The following CYP46A1 variants were observed in gnomAD, a reference collection of about 807,000 sequenced individuals.
The protein encoded by CYP46A1 is cytochrome P450 family 46 subfamily A member 1.
A neutral mutation model predicts 63.3 loss-of-function variants in CYP46A1; 20 were observed. That is an observed-to-expected ratio of 0.32 (90% CI 0.22 to 0.46). The LOEUF (loss-of-function observed/expected upper bound fraction) is 0.46, where lower values mean the gene tolerates loss of function less well. Among genes scored for constraint, CYP46A1 ranks in the 20% least tolerant of loss-of-function variants. The pLI, the probability that CYP46A1 is intolerant of heterozygous loss-of-function variation, is 1.00. For missense variants in CYP46A1, 445 were observed against 670.8 expected, an observed-to-expected ratio of 0.66 and a Z score of 3.72; for synonymous variants, 268 against 273.6, an observed-to-expected ratio of 0.98 and a Z score of 0.20.
rs1376088709 is a variant in CYP46A1 at position 99,717,010 on chromosome 14, G to A, written c.907+811G>A. 2.0e-5 allele frequency among the ~76,000 whole-genome samples: 3 copies of A among 152,342 alleles called. No individual in the cohort carries two copies. The East Asian group carries it at 5.8e-4, about 29-fold the overall frequency. Reference sequence around the variant, plus strand: ...GAGGAAGGCCCTTTAGGTGGGAGAAGCACTTGCAGATGCCCCAGGAGATTA... The same window carrying A: ...GAGGAAGGCCCTTTAGGTGGGAGAAACACTTGCAGATGCCCCAGGAGATTA... On this transcript the variant is annotated intron_variant, in intron 9 of 14. Transcript: ENST00000261835.
In CYP46A1 at chr14:99,726,814, G is replaced by A; in HGVS notation, c.*87G>A. 1 of 1,158,458 alleles carries A rather than the reference G, an allele frequency of 8.6e-7. No homozygotes were observed. The highest frequency in any genetic ancestry group is 1.2e-6 in the Non-Finnish European group (1 of 863,922). 71.8% of individuals were successfully genotyped at this position (1,158,458 alleles called of 1,614,324 possible). On this transcript the variant is annotated 3_prime_UTR_variant, in exon 15 of 15. Transcript: ENST00000261835. ...CCACGGCCACCCACCCTTCTCCCCT[G>A]CCCCGTCCCCTGGGCCACCCTTCAC...
intron 5 of CYP46A1, among the ~76,000 whole-genome samples, chr14:99,700,530 T>A (rs185068734): frequency 6.6e-6 from 1 of 152,306 alleles, no homozygotes; most frequent in East Asian, 1.9e-4. Flanking sequence ...TCCCGTAAGA[T>A]TATAATGGAG....
intron 7 of CYP46A1, chr14:99,711,867 A>C (rs2056735413): frequency 6.6e-6 from 1 of 152,216 alleles, no homozygotes; most frequent in Admixed American, 6.5e-5. Flanking sequence ...ATGAACATAG[A>C]TGCAAAAATA....
Position 99,722,875 on chromosome 14 carries a change from C to T in CYP46A1, c.1176+809C>T, listed in dbSNP as rs758134398. 47 of 450,546 alleles carry T rather than the reference C, an allele frequency of 1.0e-4. No homozygotes were observed. The highest frequency in any genetic ancestry group is 6.6e-4 in the Admixed American group (28 of 42,386). 27.9% of individuals were successfully genotyped at this position (450,546 alleles called of 1,614,324 possible). On this transcript the variant is annotated intron_variant, in intron 12 of 14. Coordinates refer to ENST00000261835, the MANE Select transcript of CYP46A1 (RefSeq NM_006668.2). This position sits in a 1 kb window ranked among gnomAD's most constrained non-coding sequence, Gnocchi z 4.6. ...CCACAGCAACGATGCCATTTCTGTCCGCATGTCCAGGAACAGTGTGCAAGC... is the reference window on the plus strand; with the variant it reads ...CCACAGCAACGATGCCATTTCTGTCTGCATGTCCAGGAACAGTGTGCAAGC...
Position 99,726,187 on chromosome 14 carries a change from C to G in CYP46A1, c.1266-3C>G. 1 of 1,613,776 alleles carries G rather than the reference C, an allele frequency of 6.2e-7. No individual in the cohort carries two copies. The highest frequency in any genetic ancestry group is 8.5e-7 in the Non-Finnish European group (1 of 1,179,812). ...GCCTCGTGATTCCTCTCTTTCCCTG[C>G]AGGCCACGGTTCACCTACTTCCCCT... is the stretch of plus-strand genomic sequence containing the variant. On this transcript the variant is annotated splice_polypyrimidine_tract_variant and splice_region_variant and intron_variant, in intron 13 of 14. Coordinates refer to ENST00000261835, the MANE Select transcript of CYP46A1 (RefSeq NM_006668.2).
chr14:99,695,495 G>A (rs1307394249), intron 3 of CYP46A1: 1 of 378,912 alleles, frequency 2.6e-6, no homozygotes, highest in East Asian at 9.9e-5. Context: ...ATTTAGGATG[G>A]ATTTGTCTTT....
intron 1 of CYP46A1, 175 bp downstream of exon 1, chr14:99,684,711 G>A (rs934677203): frequency 6.0e-6 from 4 of 664,620 alleles, no homozygotes; most frequent in Non-Finnish European, 1.1e-5. Flanking sequence ...ACTCACAGCC[G>A]CAGCAGCTGC....
At chr14:99,715,435 C>T (rs897790899) in intron 7 of CYP46A1, among the ~76,000 whole-genome samples, 6 of 152,176 alleles carry the variant, frequency 3.9e-5, no homozygotes, top group African/African-American at 1.4e-4. Context: ...GAGCTTGCAG[C>T]CGCCAATGCC....
At chr14:99,703,517 C>A (rs1159706540) in intron 5 of CYP46A1, 5 of 895,718 alleles carry the variant, frequency 5.6e-6, no homozygotes, top group African/African-American at 5.4e-5. Flanking sequence ...CCTTTGCATC[C>A]CCTCTCCCCA....
chr14:99,714,969 A>G (rs1365782263), intron 7 of CYP46A1, among the ~76,000 whole-genome samples: 2 of 152,134 alleles, frequency 1.3e-5, no homozygotes, highest in African/African-American at 4.8e-5. Context: ...CATGGAGGTA[A>G]AGAGTATAAT....
At chr14:99,718,558 G>A (rs1475452628) in intron 10 of CYP46A1, among the ~76,000 whole-genome samples, 5 of 152,326 alleles carry the variant, frequency 3.3e-5, no homozygotes, top group South Asian at 4.1e-4. Context: ...TGCCAAGAGC[G>A]TGCTTGTCTT....
chr14:99,718,528 G>A (rs767550119), intron 10 of CYP46A1, among the ~76,000 whole-genome samples: 3 of 152,208 alleles, frequency 2.0e-5, no homozygotes, highest in Non-Finnish European at 4.4e-5. Flanking sequence ...AGTGAGGATG[G>A]AGCAGAATCC....
Position 99,722,116 on chromosome 14 carries a change from A to G in CYP46A1, c.1176+50A>G, listed in dbSNP as rs573314840. ...GGGGTGGGCTGGGCTGCTTGCCCCAATGGTGGTGAATTTGGGACTCACCAG... is the reference window on the plus strand; with the variant it reads ...GGGGTGGGCTGGGCTGCTTGCCCCAGTGGTGGTGAATTTGGGACTCACCAG... On this transcript the variant is annotated intron_variant, in intron 12 of 14. Transcript: ENST00000261835. The surrounding 1 kb of genome is among the most constrained non-coding windows in gnomAD (Gnocchi z 4.6). The G allele has an allele frequency of 6.6e-5, 93 of 1,415,808 alleles. 1 individual carries two copies. The Admixed American group carries it at 6.8e-4, about 10-fold the overall frequency. 87.7% of individuals were successfully genotyped at this position (1,415,808 alleles called of 1,614,324 possible).
chr14:99,717,947 G>A (rs951070491), intron 9 of CYP46A1, 107 bp from the exon 10 acceptor site: 2 of 839,844 alleles, frequency 2.4e-6, no homozygotes, highest in Non-Finnish European at 3.8e-6. Flanking sequence ...ATGCCTGGGG[G>A]CACATGCCAT....
chr14:99,686,096 G>A (rs1225736419), intron 1 of CYP46A1, among the ~76,000 whole-genome samples: 1 of 152,190 alleles, frequency 6.6e-6, no homozygotes, highest in Non-Finnish European at 1.5e-5. Context: ...ACATGTAGCA[G>A]CACATTGTAC....
At chr14:99,690,977 G>C in intron 1 of CYP46A1, 104 bp from the exon 2 acceptor site, 1 of 1,086,698 alleles carries the variant, frequency 9.2e-7, no homozygotes, top group Non-Finnish European at 1.4e-6. Context: ...CCCATGCCTC[G>C]GTCCTCCTGT....
chr14:99,717,420 G>A (rs1208289987), intron 9 of CYP46A1, among the ~76,000 whole-genome samples: 2 of 152,218 alleles, frequency 1.3e-5, no homozygotes, highest in Admixed American at 1.3e-4. Context: ...CAGAGCTGGG[G>A]CCAGGGCTGC....
chr14:99,688,761 T>A (rs567371162), intron 1 of CYP46A1, among the ~76,000 whole-genome samples: 1 of 152,210 alleles, frequency 6.6e-6, no homozygotes, highest in Non-Finnish European at 1.5e-5. Flanking sequence ...CCCCTCTGGT[T>A]CTCTCTGCCC....
chr14:99,694,371 C>CTTTTTTTTTTTTTTTTTTT (rs74872295), intron 3 of CYP46A1, among the ~76,000 whole-genome samples: 1 of 86,300 alleles, frequency 1.2e-5, no homozygotes, highest in Admixed American at 1.2e-4. Context: ...TTTGGGTTTT[C>CTTTTTTTTTTTTTTTTTTT]TTTTTTTTTT....
Sources: allele counts gnomAD v4.1 joint callset (sites outside exome capture counted in the v4.1 genomes callset), GRCh38; gene constraint gnomAD v4.1.1; non-coding constraint Gnocchi (gnomAD v3.1); transcripts MANE v1.5; gene names NCBI Gene and HGNC (gene_info 2026-07-23, HGNC 2026-07-21).